Variants in ACAP2 observed in about 807,000 individuals in gnomAD.
ACAP2 encodes the protein arf-GAP with coiled-coil, ANK repeat and PH domain-containing protein 2.
Under a neutral mutation model 115.8 loss-of-function variants are expected in ACAP2, and 39 were observed. The observed-to-expected ratio is 0.34, with a 90% CI of 0.26 to 0.44. The LOEUF is 0.44. Ranked by LOEUF, ACAP2 falls within the 20% of genes least tolerant of loss-of-function variation. The probability of loss-of-function intolerance (pLI) is 1.00; values close to 1 mark genes in which losing one functional copy is unlikely to be tolerated. For synonymous variants in ACAP2, 289 were observed against 315.8 expected (o/e 0.92, Z 0.90); for missense variants, 662 against 927.6 (o/e 0.71, Z 3.72).
At chr3:195,390,340 A>T (rs1199945493) in intron 2 of ACAP2, among the ~76,000 whole-genome samples, 3 of 152,204 alleles carry the variant, frequency 2.0e-5, no homozygotes, top group African/African-American at 7.2e-5. Context: ...ACCCTACAGG[A>T]TTATTGTAAA....
At chr3:195,351,173 A>G (rs1310246281) in intron 4 of ACAP2, among the ~76,000 whole-genome samples, 1 of 143,346 alleles carries the variant, frequency 7.0e-6, no homozygotes, top group East Asian at 2.3e-4. Context: ...GCTGGAGTGC[A>G]GTGGTGTGAT....
At chr3:195,421,476 T>C (rs1479578435) in intron 1 of ACAP2, among the ~76,000 whole-genome samples, 1 of 152,248 alleles carries the variant, frequency 6.6e-6, no homozygotes, top group Non-Finnish European at 1.5e-5. Context: ...TGATCACTAC[T>C]AGCACCTGTC....
intron 1 of ACAP2, among the ~76,000 whole-genome samples, chr3:195,436,335 T>A (rs987930969): frequency 6.6e-6 from 1 of 151,866 alleles, no homozygotes; most frequent in African/African-American, 2.4e-5. Context: ...GGTTTCATCA[T>A]GTTGCCCAGC....
At chr3:195,323,129 G>A (rs1044021492) in intron 9 of ACAP2, among the ~76,000 whole-genome samples, 2 of 152,118 alleles carry the variant, frequency 1.3e-5, no homozygotes, top group African/African-American at 4.8e-5. Flanking sequence ...ACCAAGGCTG[G>A]TCAAAGGGGA....
In ACAP2 at chr3:195,307,255, T is replaced by A; in HGVS notation, c.978A>T (p.Arg326=). 1 of 1,613,578 alleles carries A rather than the reference T, an allele frequency of 6.2e-7. No homozygotes were observed. The highest frequency in any genetic ancestry group is 1.3e-5 in the African/African-American group (1 of 75,036). Reference sequence around the variant, plus strand: ...GCGAGACCACCTCAAAGCAGAATCGTCGCTCTATGTCTTCACAATGTTTCA... The same window carrying A: ...GCGAGACCACCTCAAAGCAGAATCGACGCTCTATGTCTTCACAATGTTTCA... ...CTVKHCEDIE[R]RFCFEVVSPT... is the part of the protein sequence containing the mutation. Residue 326 remains arginine, a synonymous_variant, in exon 12 of 23, where the codon CGA becomes CGT. Transcript: ENST00000326793.
chr3:195,405,541 C>T (rs1240710247), intron 1 of ACAP2, among the ~76,000 whole-genome samples: 2 of 152,034 alleles, frequency 1.3e-5, no homozygotes, highest in African/African-American at 4.8e-5. Flanking sequence ...CAAAAATTAG[C>T]TGGGTGTGGT....
intron 4 of ACAP2, among the ~76,000 whole-genome samples, chr3:195,376,497 C>T (rs1386798468): frequency 1.3e-5 from 2 of 152,038 alleles, no homozygotes; most frequent in African/African-American, 2.4e-5. Flanking sequence ...GAGCCAAGAT[C>T]GCACCACTGC....
intron 8 of ACAP2, among the ~76,000 whole-genome samples, chr3:195,328,720 T>G (rs974855810): frequency 6.6e-6 from 1 of 152,226 alleles, no homozygotes; most frequent in Non-Finnish European, 1.5e-5. Context: ...TTTACAAATA[T>G]GCACGCATAT....
chr3:195,294,609 TTATATA>T (rs869264780), intron 18 of ACAP2, 104 bp downstream of exon 18: 3 of 36,878 alleles, frequency 8.1e-5, no homozygotes, highest in Non-Finnish European at 3.1e-4. Context: ...AAAAAAAAAA[TTATATA>T]TATATATATA....
chr3:195,356,220 CAA>C lies in ACAP2; in HGVS notation c.286-10905_286-10904del. 6.6e-6 allele frequency: 3 copies of C among 456,386 alleles called. No homozygotes were observed. The Middle Eastern group carries it at 9.8e-4, about 148-fold the overall frequency. 28.3% of individuals were successfully genotyped at this position (456,386 alleles called of 1,614,324 possible). On this transcript the variant is annotated intron_variant, in intron 4 of 22. Coordinates refer to ENST00000326793, the MANE Select transcript of ACAP2 (RefSeq NM_012287.6). ...AAAGAGCACAGCAACTGTGGGACTA[CAA>C]GCCGGAACGCAGTGCTGCCAATCCC...
intron 8 of ACAP2, among the ~76,000 whole-genome samples, chr3:195,330,530 G>T (rs770103430): frequency 6.6e-6 from 1 of 152,072 alleles, no homozygotes; most frequent in Non-Finnish European, 1.5e-5. Context: ...AGATGAGAGC[G>T]CAATCTAATA....
At chr3:195,435,433 T>C (rs1449351383) in intron 1 of ACAP2, among the ~76,000 whole-genome samples, 2 of 152,128 alleles carry the variant, frequency 1.3e-5, no homozygotes, top group Non-Finnish European at 2.9e-5. Context: ...CCCAAAGTGC[T>C]GGGATTACAG....
At chr3:195,288,807 G>A (rs555952699) in intron 21 of ACAP2, among the ~76,000 whole-genome samples, 18 of 152,098 alleles carry the variant, frequency 1.2e-4, no homozygotes, top group African/African-American at 2.2e-4. Flanking sequence ...GCAGGGAGCC[G>A]GTGCACTCCA....
In ACAP2 at chr3:195,331,547, A is replaced by C. The variant is rs561759488; in HGVS notation, c.669+1481T>G. On this transcript the variant is annotated intron_variant, in intron 8 of 22. Transcript: ENST00000326793. ...AGGCTGGTCTCAAACTCCTGGCCTC[A>C]TGTAATCTGCATGCCTCAGCCTCCC... 2.6e-5 allele frequency among the ~76,000 whole-genome samples: 4 copies of C among 152,044 alleles called. No homozygotes were observed. In the South Asian group the frequency reaches 8.3e-4, roughly 32 times the overall value.
At chr3:195,364,044 G>C (rs1732548476) in intron 4 of ACAP2, among the ~76,000 whole-genome samples, 1 of 152,102 alleles carries the variant, frequency 6.6e-6, no homozygotes, top group South Asian at 2.1e-4. Flanking sequence ...CATTGGACTG[G>C]ATAAAAATTT....
intron 1 of ACAP2, among the ~76,000 whole-genome samples, chr3:195,427,897 A>AC (rs1286292615): frequency 6.6e-6 from 1 of 151,834 alleles, no homozygotes; most frequent in Non-Finnish European, 1.5e-5. Flanking sequence ...ACAGAGTGAG[A>AC]CCCCATCTCA....
chr3:195,415,023 A>T (rs767851227), intron 1 of ACAP2, among the ~76,000 whole-genome samples: 4 of 152,216 alleles, frequency 2.6e-5, no homozygotes, highest in Non-Finnish European at 4.4e-5. Flanking sequence ...TAAGGCAGCG[A>T]AACTAACTGC....
chr3:195,291,563 A>G (rs1727255634), intron 20 of ACAP2, 143 bp downstream of exon 20: 1 of 574,386 alleles, frequency 1.7e-6, no homozygotes, highest in East Asian at 3.4e-5. Flanking sequence ...TTTAACTTTC[A>G]AATTCCATCG....
chr3:195,358,651 T>TTA (rs1420888633), intron 4 of ACAP2, among the ~76,000 whole-genome samples: 1 of 151,952 alleles, frequency 6.6e-6, no homozygotes, highest in Non-Finnish European at 1.5e-5. Context: ...TTCCTGAGAC[T>TTA]TATGAGCCCT....
Sources: allele counts gnomAD v4.1 joint callset (sites outside exome capture counted in the v4.1 genomes callset), GRCh38; gene constraint gnomAD v4.1.1; transcripts MANE v1.5; gene names NCBI Gene and HGNC (gene_info 2026-07-23, HGNC 2026-07-21).